The following ZWILCH variants were observed in gnomAD, a reference collection of about 807,000 sequenced individuals.
ZWILCH encodes zwilch kinetochore protein.
A neutral mutation model predicts 79.9 loss-of-function variants in ZWILCH; 74 were observed. The observed-to-expected ratio is 0.93, with a 90% CI of 0.77 to 1.12. The LOEUF is 1.12. ZWILCH is among the 50% of genes most tolerant of loss of function. The pLI is 0.00. For synonymous variants in ZWILCH, 241 were observed against 228.2 expected, an observed-to-expected ratio of 1.06 and a Z score of -0.51; for missense variants, 694 against 687.5, an observed-to-expected ratio of 1.01 and a Z score of -0.11.
chr15:66,533,791 A>C (rs1269025892), intron 14 of ZWILCH, among the ~76,000 whole-genome samples: 1 of 152,064 alleles, frequency 6.6e-6, no homozygotes, highest in African/African-American at 2.4e-5. Context: ...TGGGTTCTGC[A>C]TCCATGGATT....
intron 8 of ZWILCH, among the ~76,000 whole-genome samples, chr15:66,524,029 C>G (rs988762780): frequency 1.3e-5 from 2 of 152,076 alleles, no homozygotes; most frequent in African/African-American, 2.4e-5. Flanking sequence ...GGATATACCA[C>G]ATTTTGTTCA....
intron 12 of ZWILCH, among the ~76,000 whole-genome samples, chr15:66,531,187 T>C (rs557973488): frequency 6.6e-6 from 1 of 152,346 alleles, no homozygotes; most frequent in South Asian, 2.1e-4. Flanking sequence ...TGTTGGATAT[T>C]GTAGCCAATG....
At position 66,508,893 on chromosome 15, in the gene ZWILCH, G is replaced by A. The variant is rs1893924378; in HGVS notation, c.105+1G>A. 1.2e-6 allele frequency: 2 copies of A among 1,613,432 alleles called. No individual in the cohort carries two copies. The highest frequency in any genetic ancestry group is 1.7e-6 in the Non-Finnish European group (2 of 1,179,740). ...CCGTAAAGACCCATTTCTCTATGAG[G>A]TATGAACAATTTGGTTTTTAAACAC... On this transcript the variant is annotated splice_donor_variant, in intron 2 of 18. Coordinates refer to ENST00000307897, the MANE Select transcript of ZWILCH (RefSeq NM_017975.5). LOFTEE classifies it high-confidence loss of function.
rs1300602963 is a variant in ZWILCH, at chr15:66,527,402, T to G, written c.913+19T>G. The G allele has an allele frequency of 1.3e-6, 2 of 1,572,282 alleles. No individual in the cohort carries two copies. The highest frequency in any genetic ancestry group is 2.2e-5 in the South Asian group (2 of 89,764). ...CTGAATGGTGTATTACTTGTTTTAT[T>G]AATTGAGAATTTATACTTGCTATGT... On this transcript the variant is annotated intron_variant, in intron 9 of 18. Transcript: ENST00000307897.
rs1894675515 is a variant in ZWILCH at position 66,526,463 on chromosome 15, C to G, written c.820-827C>G. 1.3e-5 allele frequency among the ~76,000 whole-genome samples: 2 copies of G among 148,402 alleles called. 1 individual carries two copies. Among genetic ancestry groups the G allele is most frequent in the South Asian group, 4.2e-4 (2 of 4,808 alleles). On this transcript the variant is annotated intron_variant, in intron 8 of 18. Coordinates refer to ENST00000307897, the MANE Select transcript of ZWILCH (RefSeq NM_017975.5). ...TGGCTTTTGCGGCCTAACTTGACTG[C>G]TTTTTCTTTCTTTTTTTTTTGAGTC...
At chr15:66,541,946 G>A (rs1895203375) in intron 17 of ZWILCH, among the ~76,000 whole-genome samples, 1 of 152,106 alleles carries the variant, frequency 6.6e-6, no homozygotes, top group Non-Finnish European at 1.5e-5. Context: ...AGGTATAATG[G>A]AAATTTCTGT....
At chr15:66,519,993 A>T (rs1166119092) in intron 5 of ZWILCH, among the ~76,000 whole-genome samples, 1 of 152,020 alleles carries the variant, frequency 6.6e-6, no homozygotes, top group East Asian at 1.9e-4. Context: ...TTTGTTTTTA[A>T]GAGACAGGGT....
chr15:66,518,780 C>T (rs986630476), intron 4 of ZWILCH, 99 bp from the exon 5 acceptor site: 3 of 1,150,572 alleles, frequency 2.6e-6, no homozygotes, highest in African/African-American at 1.5e-5. Context: ...CACTGCATTC[C>T]AGCCTGGGCA....
At chr15:66,509,040 C>G (rs564330237) in intron 2 of ZWILCH, 148 bp downstream of exon 2, 86 of 739,256 alleles carry the variant, frequency 1.2e-4, no homozygotes, top group Non-Finnish European at 1.7e-4. Context: ...CCCGGGTTCA[C>G]GCCATTCTCC....
intron 17 of ZWILCH, among the ~76,000 whole-genome samples, chr15:66,545,356 A>C (rs1231743512): frequency 6.6e-6 from 1 of 152,134 alleles, no homozygotes; most frequent in East Asian, 1.9e-4. Context: ...TTCTGTCTCC[A>C]AAAAAATAAA....
chr15:66,520,367 C>A, intron 5 of ZWILCH: 1 of 419,666 alleles, frequency 2.4e-6, no homozygotes, highest in Non-Finnish European at 4.3e-6. Context: ...ACGATCCTCC[C>A]TCCTTGGCCT....
intron 14 of ZWILCH, among the ~76,000 whole-genome samples, chr15:66,534,579 C>A (rs1894953108): frequency 6.6e-6 from 1 of 152,158 alleles, no homozygotes; most frequent in Non-Finnish European, 1.5e-5. Flanking sequence ...AGGCTATAAA[C>A]CTTTACAGTA....
intron 6 of ZWILCH, 77 bp from the exon 7 acceptor site, chr15:66,520,973 A>G (rs1034698874): frequency 1.3e-6 from 2 of 1,503,888 alleles, no homozygotes; most frequent in African/African-American, 1.4e-5. Flanking sequence ...TGGGACAAGG[A>G]TCAAAATAAT....
intron 8 of ZWILCH, among the ~76,000 whole-genome samples, chr15:66,526,097 A>C (rs1334825636): frequency 6.6e-6 from 1 of 152,008 alleles, no homozygotes; most frequent in African/African-American, 2.4e-5. Context: ...TCCCCCCGGG[A>C]GTGGGAGATG....
Position 66,521,203 on chromosome 15 carries a change from C to G in ZWILCH, c.745C>G (p.Leu249Val). 1 of 1,610,276 alleles carries G rather than the reference C, an allele frequency of 6.2e-7. No homozygotes were observed. Among genetic ancestry groups the G allele is most frequent in the Non-Finnish European group, 8.5e-7 (1 of 1,179,916 alleles). The change falls in exon 7 of 19, where the codon CTG becomes GTG. Residue 249 changes from leucine to valine, a missense_variant and splice_region_variant. Coordinates refer to ENST00000307897, the MANE Select transcript of ZWILCH (RefSeq NM_017975.5). ...QIPPLSSTAT[L>V]NIKVESGEPR... ...CCCTCCACTCTCTTCAACTGCAACT[C>G]TGGTAAGAGTGGGCCCTATTTCCTT... is the stretch of plus-strand genomic sequence containing the variant.
chr15:66,512,222 A>G (rs2140742987), intron 2 of ZWILCH, among the ~76,000 whole-genome samples: 1 of 152,230 alleles, frequency 6.6e-6, no homozygotes, highest in East Asian at 1.9e-4. Flanking sequence ...TATTAGGCAA[A>G]ATCCTATTAG....
intron 8 of ZWILCH, among the ~76,000 whole-genome samples, chr15:66,526,683 C>T (rs559888318): frequency 2.0e-5 from 3 of 151,970 alleles, no homozygotes; most frequent in African/African-American, 4.8e-5. Flanking sequence ...AGGATGGTCT[C>T]GATCTCCTGA....
At chr15:66,517,538 T>G (rs1312677059) in intron 4 of ZWILCH, among the ~76,000 whole-genome samples, 2 of 146,090 alleles carry the variant, frequency 1.4e-5, no homozygotes, top group African/African-American at 5.0e-5. Context: ...CCCTAAATGC[T>G]CCACTGTGTA....
chr15:66,537,488 C>A (rs945670056), intron 16 of ZWILCH, among the ~76,000 whole-genome samples: 1 of 151,850 alleles, frequency 6.6e-6, no homozygotes, highest in Admixed American at 6.6e-5. Flanking sequence ...GTCAGGAGTT[C>A]GAGACCAGCC....
Sources: allele counts gnomAD v4.1 joint callset (sites outside exome capture counted in the v4.1 genomes callset), GRCh38; gene constraint gnomAD v4.1.1; transcripts MANE v1.5; gene names NCBI Gene and HGNC (gene_info 2026-07-23, HGNC 2026-07-21).